CTNNBIP1: variants seen among roughly 807,000 people sequenced by gnomAD.
CTNNBIP1 encodes catenin beta interacting protein 1, also known as beta-catenin-interacting protein 1.
A neutral mutation model predicts 11.8 loss-of-function variants in CTNNBIP1; 7 were observed. That is an observed-to-expected ratio of 0.60 (90% CI 0.34 to 1.12). The LOEUF is 1.12. Ranked by LOEUF, CTNNBIP1 falls within the 50% of genes most tolerant of loss-of-function variation. The probability of loss-of-function intolerance (pLI) is 0.03; values close to 1 mark genes in which losing one functional copy is unlikely to be tolerated. For missense variants in CTNNBIP1, 101 were observed against 113.4 expected (o/e 0.89, Z 0.50); for synonymous variants, 58 against 43.9 (o/e 1.32, Z -1.26).
intron 1 of CTNNBIP1, among the ~76,000 whole-genome samples, chr1:9,903,365 G>T (rs1026438695): frequency 6.6e-6 from 1 of 152,146 alleles, no homozygotes; most frequent in Non-Finnish European, 1.5e-5. Context: ...GTTTACAGAA[G>T]TTTCTACACT....
chr1:9,895,119 A>G (rs980773872), intron 1 of CTNNBIP1, among the ~76,000 whole-genome samples: 17 of 151,336 alleles, frequency 1.1e-4, no homozygotes, highest in African/African-American at 2.2e-4. Flanking sequence ...GTGTTAGCCA[A>G]GATGGTCTCG....
At chr1:9,899,178 G>A (rs572257370) in intron 1 of CTNNBIP1, among the ~76,000 whole-genome samples, 17 of 152,244 alleles carry the variant, frequency 1.1e-4, no homozygotes, top group East Asian at 9.6e-4. Context: ...AAATGAGGCC[G>A]GGCACGGTGG....
intron 1 of CTNNBIP1, among the ~76,000 whole-genome samples, chr1:9,900,662 C>T (rs1273672491): frequency 2.0e-5 from 3 of 152,202 alleles, no homozygotes; most frequent in African/African-American, 7.2e-5. Context: ...TGCACTGCTC[C>T]GGCTGCCCGA....
intron 5 of CTNNBIP1, among the ~76,000 whole-genome samples, chr1:9,859,335 C>T (rs1638575175): frequency 6.6e-6 from 1 of 152,144 alleles, no homozygotes; most frequent in Non-Finnish European, 1.5e-5. Context: ...AGTCAATTGA[C>T]TGGGGAGAAA....
intron 5 of CTNNBIP1, among the ~76,000 whole-genome samples, chr1:9,869,176 T>G (rs1048578311): frequency 6.6e-6 from 1 of 151,408 alleles, no homozygotes; most frequent in African/African-American, 2.4e-5. Flanking sequence ...GTTTTTGTAT[T>G]TTTTGTAGCG....
chr1:9,887,446 G>A (rs1238816979), intron 1 of CTNNBIP1, among the ~76,000 whole-genome samples: 1 of 152,230 alleles, frequency 6.6e-6, no homozygotes, highest in Non-Finnish European at 1.5e-5. Flanking sequence ...GCCGGGCACA[G>A]TGGCTCACGC....
Position 9,905,167 on chromosome 1 carries a change from T to C in CTNNBIP1, c.-144+4928A>G, listed in dbSNP as rs946114381. On this transcript the variant is annotated intron_variant, in intron 1 of 5. Transcript: ENST00000377263. ...GTTCCCATGCAGTGACTTCCCACTG[T>C]TCAGAATTCAAAAGTAAAATCCAAA... Among the ~76,000 whole-genome samples, 5 of 152,272 alleles carry C rather than the reference T, an allele frequency of 3.3e-5. No homozygotes were observed. The East Asian group carries it at 7.7e-4, about 23-fold the overall frequency.
intron 2 of CTNNBIP1, among the ~76,000 whole-genome samples, chr1:9,882,586 A>C (rs1190024107): frequency 3.9e-5 from 6 of 152,172 alleles, no homozygotes; most frequent in Admixed American, 2.0e-4. Context: ...AGCAGAAGGA[A>C]GTCAAGCCTC....
intron 1 of CTNNBIP1, among the ~76,000 whole-genome samples, chr1:9,908,701 T>C (rs908613513): frequency 3.3e-5 from 5 of 152,190 alleles, no homozygotes; most frequent in Non-Finnish European, 7.3e-5. Context: ...TCCATCTTCA[T>C]AGCACTTACC....
intron 1 of CTNNBIP1, among the ~76,000 whole-genome samples, chr1:9,886,480 C>T (rs1222548512): frequency 6.6e-6 from 1 of 152,222 alleles, no homozygotes; most frequent in Non-Finnish European, 1.5e-5. Context: ...GCAGCTGACA[C>T]GTACTCTGGC....
At chr1:9,875,450 G>A (rs1031454041) in intron 3 of CTNNBIP1, among the ~76,000 whole-genome samples, 6 of 152,210 alleles carry the variant, frequency 3.9e-5, no homozygotes, top group African/African-American at 1.4e-4. Context: ...AGCCTTCTAT[G>A]AACAGCTCGC....
At chr1:9,902,410 T>C (rs1639539248) in intron 1 of CTNNBIP1, among the ~76,000 whole-genome samples, 1 of 152,166 alleles carries the variant, frequency 6.6e-6, no homozygotes, top group East Asian at 1.9e-4. Flanking sequence ...AAGTTAACAG[T>C]CAAAGGGTTA....
intron 5 of CTNNBIP1, among the ~76,000 whole-genome samples, chr1:9,863,669 G>C (rs1450178093): frequency 6.6e-6 from 1 of 152,212 alleles, no homozygotes; most frequent in African/African-American, 2.4e-5. Flanking sequence ...CCCTGGTCCC[G>C]AGGGGCTGCC....
intron 1 of CTNNBIP1, among the ~76,000 whole-genome samples, chr1:9,907,209 C>T (rs1269151331): frequency 6.6e-6 from 1 of 152,156 alleles, no homozygotes; most frequent in African/African-American, 2.4e-5. Flanking sequence ...CTTCCTCCGT[C>T]GCCCAGGCTG....
intron 5 of CTNNBIP1, among the ~76,000 whole-genome samples, chr1:9,856,078 C>G (rs1638496498): frequency 6.6e-6 from 1 of 151,896 alleles, no homozygotes; most frequent in African/African-American, 2.4e-5. Context: ...AACCCAGGAG[C>G]TGGAGGTTGC....
intron 5 of CTNNBIP1, among the ~76,000 whole-genome samples, chr1:9,870,166 G>A (rs533771675): frequency 1.3e-5 from 2 of 152,226 alleles, no homozygotes; most frequent in African/African-American, 2.4e-5. Flanking sequence ...GTCAGGCCCC[G>A]CATGCCAGCC....
intron 1 of CTNNBIP1, among the ~76,000 whole-genome samples, chr1:9,905,257 G>A (rs1372906309): frequency 6.6e-6 from 1 of 152,082 alleles, no homozygotes; most frequent in African/African-American, 2.4e-5. Flanking sequence ...CAGCCCCTCT[G>A]GGTTGATCAT....
chr1:9,868,153 G>A (rs1638786487), intron 5 of CTNNBIP1, among the ~76,000 whole-genome samples: 1 of 152,200 alleles, frequency 6.6e-6, no homozygotes, highest in Non-Finnish European at 1.5e-5. Flanking sequence ...CGGCAGCCAG[G>A]TTAGAGGTAT....
intron 5 of CTNNBIP1, among the ~76,000 whole-genome samples, chr1:9,870,430 G>A (rs1005247447): frequency 2.0e-5 from 3 of 152,236 alleles, no homozygotes; most frequent in African/African-American, 7.2e-5. Flanking sequence ...TTATGGGCAA[G>A]ATGGCAGACA....
Sources: gnomAD v4.1 joint callset for allele counts (sites outside exome capture counted in the v4.1 genomes callset) on GRCh38, gnomAD v4.1.1 for gene constraint, MANE v1.5 for transcripts, NCBI Gene and HGNC (gene_info 2026-07-23, HGNC 2026-07-21) for gene names.